Variants in EPHA6 observed in about 807,000 individuals in gnomAD.
EPHA6 encodes EPH receptor A6.
Under a neutral mutation model 112.0 loss-of-function variants are expected in EPHA6, and 50 were observed. The observed-to-expected ratio is 0.45, with a 90% confidence interval of 0.36 to 0.56. EPHA6 has a LOEUF of 0.56. Ranked by LOEUF, EPHA6 falls within the 20% of genes least tolerant of loss-of-function variation. The pLI, the probability that EPHA6 is intolerant of heterozygous loss-of-function variation, is 0.00. For synonymous variants in EPHA6, 529 were observed against 490.7 expected (o/e 1.08, Z -1.03); for missense variants, 1,280 against 1,417.4 (o/e 0.90, Z 1.56).
intron 3 of EPHA6, among the ~76,000 whole-genome samples, chr3:97,113,529 G>A (rs2047786701): frequency 1.3e-5 from 2 of 152,050 alleles, no homozygotes; most frequent in South Asian, 4.1e-4. Flanking sequence ...TTTGGTCAAG[G>A]GCAAGGCCTA....
In EPHA6 at chr3:97,632,837, A is replaced by T. The variant is rs923984349; in HGVS notation, c.2575-5036A>T. Among the ~76,000 whole-genome samples, 10 of 152,254 alleles carry T rather than the reference A, an allele frequency of 6.6e-5. No individual in the cohort carries two copies. In the East Asian group the frequency reaches 1.9e-3, roughly 29 times the overall value. On this transcript the variant is annotated intron_variant, in intron 13 of 17. Coordinates refer to ENST00000389672, the MANE Select transcript of EPHA6 (RefSeq NM_001080448.3). The stretch of plus-strand genomic sequence containing the variant: ...CTAAGACAGTGCACTTTATTCTGTC[A>T]TTGAAAATCATTGAAGTGTTTAAAA...
At chr3:97,428,168 A>G (rs1334024929) in intron 6 of EPHA6, among the ~76,000 whole-genome samples, 1 of 152,198 alleles carries the variant, frequency 6.6e-6, no homozygotes, top group Admixed American at 6.5e-5. Flanking sequence ...AGAAGACTAC[A>G]TATAATATAA....
chr3:97,144,959 C>T (rs2076002677), intron 3 of EPHA6, among the ~76,000 whole-genome samples: 1 of 151,156 alleles, frequency 6.6e-6, no homozygotes, highest in Non-Finnish European at 1.5e-5. Flanking sequence ...ATGTGAAATC[C>T]CATTTAGTAA....
chr3:97,592,336 C>A (rs1302790895), intron 11 of EPHA6, among the ~76,000 whole-genome samples: 1 of 152,132 alleles, frequency 6.6e-6, no homozygotes, highest in East Asian at 1.9e-4. Flanking sequence ...TTATTCCATG[C>A]ACAGCTTTAT....
intron 3 of EPHA6, among the ~76,000 whole-genome samples, chr3:97,211,560 C>G (rs2077876460): frequency 6.6e-6 from 1 of 152,154 alleles, no homozygotes; most frequent in Non-Finnish European, 1.5e-5. Context: ...CTTCTGCTGT[C>G]CTCACATGTA....
chr3:97,497,402 C>T (rs138747632), intron 10 of EPHA6, among the ~76,000 whole-genome samples: 56 of 152,248 alleles, frequency 3.7e-4, no homozygotes, highest in African/African-American at 1.3e-3. Flanking sequence ...CTCACTTCCT[C>T]CAACTTCTAT....
intron 11 of EPHA6, among the ~76,000 whole-genome samples, chr3:97,535,479 A>G (rs1435303184): frequency 6.6e-6 from 1 of 152,082 alleles, no homozygotes; most frequent in Non-Finnish European, 1.5e-5. Flanking sequence ...AGAGATGGAG[A>G]AGGGAATAAT....
At chr3:97,274,768 A>T (rs2080011835) in intron 5 of EPHA6, among the ~76,000 whole-genome samples, 1 of 152,144 alleles carries the variant, frequency 6.6e-6, no homozygotes, top group Non-Finnish European at 1.5e-5. Context: ...GAAAGAAGGA[A>T]ATATAGGGAA....
rs2036000152 is a variant in EPHA6 at position 97,755,303 on chromosome 3, G to A, written c.*6602G>A. 6.6e-6 allele frequency among the ~76,000 whole-genome samples: 1 copy of A among 152,116 alleles called. No individual in the cohort carries two copies. The highest frequency in any genetic ancestry group is 6.5e-5 in the Admixed American group (1 of 15,272). ...TAAATTAACAACACAATCTTCTCAG[G>A]AGTTGTAAACTAGAAAAGTATCAGA... is the stretch of plus-strand genomic sequence containing the variant. On this transcript the variant is annotated 3_prime_UTR_variant, in exon 18 of 18. Transcript: ENST00000389672.
chr3:96,944,848 G>A (rs911181422), intron 2 of EPHA6, among the ~76,000 whole-genome samples: 3 of 152,178 alleles, frequency 2.0e-5, no homozygotes, highest in African/African-American at 7.2e-5. Flanking sequence ...GCTGAGGCAG[G>A]AGAATTGCTT....
intron 3 of EPHA6, among the ~76,000 whole-genome samples, chr3:97,191,363 A>G (rs1003604068): frequency 2.0e-5 from 3 of 151,982 alleles, no homozygotes; most frequent in Admixed American, 1.3e-4. Flanking sequence ...TATACAATAA[A>G]TTATTATTGA....
intron 13 of EPHA6, among the ~76,000 whole-genome samples, chr3:97,634,009 A>G (rs992538456): frequency 2.0e-5 from 3 of 151,932 alleles, no homozygotes; most frequent in African/African-American, 7.2e-5. Flanking sequence ...ATGTTGCTTT[A>G]TTTTGCCAAA....
intron 9 of EPHA6, chr3:97,481,510 G>T: frequency 2.0e-6 from 2 of 1,010,454 alleles, no homozygotes; most frequent in Non-Finnish European, 3.1e-6. Flanking sequence ...TTCTTCCTCC[G>T]GCGCGGGGCT....
intron 3 of EPHA6, among the ~76,000 whole-genome samples, chr3:97,189,992 C>T (rs1257891516): frequency 6.6e-6 from 1 of 151,964 alleles, no homozygotes; most frequent in East Asian, 1.9e-4. Flanking sequence ...GGATCTGAGT[C>T]CCCCTGAATG....
chr3:97,502,832 CAAAAAAAAA>C (rs397990595), intron 10 of EPHA6, among the ~76,000 whole-genome samples: 13 of 35,898 alleles, frequency 3.6e-4, no homozygotes, highest in Admixed American at 3.0e-3. Context: ...GACTCTGTCT[CAAAAAAAAA>C]AAAAAAAAAA....
At position 97,347,570 on chromosome 3, in the gene EPHA6, C is replaced by T. The variant is rs556552474; in HGVS notation, c.1607-57580C>T. Among the ~76,000 whole-genome samples, 275 of 152,034 alleles carry T rather than the reference C, an allele frequency of 1.8e-3. 3 individuals are homozygous for T. Among genetic ancestry groups the T allele is most frequent in the South Asian group, 3.5e-3 (17 of 4,814 alleles). On this transcript the variant is annotated intron_variant, in intron 5 of 17. Transcript: ENST00000389672. ...GATAATATAGTATTTGAAAGTGACTCCAATGAACATGAATTTGAGGCTATT... is the reference window on the plus strand; with the variant it reads ...GATAATATAGTATTTGAAAGTGACTTCAATGAACATGAATTTGAGGCTATT...
chr3:97,645,635 T>C (rs951263865), intron 14 of EPHA6, among the ~76,000 whole-genome samples: 1 of 151,890 alleles, frequency 6.6e-6, no homozygotes, highest in Non-Finnish European at 1.5e-5. Context: ...CTGCACGTTG[T>C]GCACATGTAC....
At chr3:97,575,336 T>C (rs2093372201) in intron 11 of EPHA6, among the ~76,000 whole-genome samples, 1 of 152,116 alleles carries the variant, frequency 6.6e-6, no homozygotes, top group Non-Finnish European at 1.5e-5. Flanking sequence ...CTGGTGAACA[T>C]TATGATGCAG....
chr3:97,496,911 C>T (rs2091994556), intron 10 of EPHA6, among the ~76,000 whole-genome samples: 1 of 152,120 alleles, frequency 6.6e-6, no homozygotes, highest in African/African-American at 2.4e-5. Context: ...AAATTTCCCT[C>T]ATTTGTAGTG....
Sources: allele counts gnomAD v4.1 joint callset (sites outside exome capture counted in the v4.1 genomes callset), GRCh38; gene constraint gnomAD v4.1.1; transcripts MANE v1.5; gene names NCBI Gene and HGNC (gene_info 2026-07-23, HGNC 2026-07-21).